The following LRRC27 variants were observed in gnomAD, a reference collection of about 807,000 sequenced individuals.
LRRC27 encodes leucine-rich repeat-containing protein 27.
In LRRC27, 57 loss-of-function variants were observed where a neutral mutation model predicts 55.0. That is an observed-to-expected ratio of 1.04 (90% confidence interval 0.84 to 1.29). The LOEUF (loss-of-function observed/expected upper bound fraction) is 1.29, where lower values mean the gene tolerates loss of function less well. Among genes scored for constraint, LRRC27 ranks in the 50% most tolerant of loss-of-function variants. The pLI is 0.00. For synonymous variants in LRRC27, 278 were observed against 251.9 expected (o/e 1.10, Z -0.98); for missense variants, 721 against 651.5 (o/e 1.11, Z -1.16).
intron 8 of LRRC27, among the ~76,000 whole-genome samples, chr10:132,360,293 G>A (rs570258407): frequency 1.2e-4 from 18 of 152,264 alleles, no homozygotes; most frequent in Admixed American, 8.5e-4. Context: ...GACAGGTTTC[G>A]CCATGTTGGC....
Position 132,342,226 on chromosome 10 carries a change from T to C in LRRC27, c.355T>C (p.Leu119=). 1 of 1,553,536 alleles carries C rather than the reference T, an allele frequency of 6.4e-7. No individual in the cohort carries two copies. The highest frequency in any genetic ancestry group is 8.7e-7 in the Non-Finnish European group (1 of 1,148,302). Residue 119 remains leucine (L), a synonymous_variant, in exon 4 of 11, where the codon TTG becomes CTG. Transcript: ENST00000368614. The stretch of plus-strand genomic sequence containing the variant: ...TTTGCTTTAAAGGCATTTGAAAACT[T>C]TGCTTTTAGAAAGAAATCCTATCAA... ...GIGAHQHLKT[L]LLERNPIKML...
At chr10:132,357,353 T>G (rs1335547393) in intron 8 of LRRC27, among the ~76,000 whole-genome samples, 1 of 152,224 alleles carries the variant, frequency 6.6e-6, no homozygotes, top group Non-Finnish European at 1.5e-5. Flanking sequence ...TAAAAATACT[T>G]GCACAATTGG....
intron 2 of LRRC27, chr10:132,337,094 C>A: frequency 8.0e-7 from 1 of 1,252,346 alleles, no homozygotes; most frequent in Non-Finnish European, 1.0e-6. Flanking sequence ...CATCTCTGTC[C>A]CTGTCTTTTA....
At position 132,365,418 on chromosome 10, in the gene LRRC27, T is replaced by G; in HGVS notation, c.1290-6T>G. 1 of 1,613,466 alleles carries G rather than the reference T, an allele frequency of 6.2e-7. No individual in the cohort carries two copies. The highest frequency in any genetic ancestry group is 8.5e-7 in the Non-Finnish European group (1 of 1,179,876). ...GTCATTTCCCTCTTTGCCCTTTGTT[T>G]CTCAGTGCCCTGCAGGAGAGAAATT... On this transcript the variant is annotated splice_region_variant and splice_polypyrimidine_tract_variant and intron_variant, in intron 9 of 10. Transcript: ENST00000368614.
upstream of LRRC27, chr10:132,331,942 C>A (rs1350419544): frequency 1.7e-6 from 1 of 582,628 alleles, no homozygotes; most frequent in Admixed American, 4.0e-5. Flanking sequence ...CGCAACCCCC[C>A]GCCCCAGCGC....
chr10:132,373,591 T>C (rs2069268036), intron 10 of LRRC27, among the ~76,000 whole-genome samples: 1 of 152,132 alleles, frequency 6.6e-6, no homozygotes, highest in South Asian at 2.1e-4. Flanking sequence ...AATAAGACGT[T>C]TTCAGATACG....
intron 2 of LRRC27, among the ~76,000 whole-genome samples, chr10:132,334,139 C>G (rs891207816): frequency 6.6e-6 from 1 of 152,172 alleles, no homozygotes; most frequent in Non-Finnish European, 1.5e-5. Flanking sequence ...TACTTTGTGC[C>G]CGGCCCTTCT....
intron 2 of LRRC27, among the ~76,000 whole-genome samples, chr10:132,334,555 GA>G (rs2067025478): frequency 6.6e-6 from 1 of 152,168 alleles, no homozygotes; most frequent in African/African-American, 2.4e-5. Flanking sequence ...TGACATTTTT[GA>G]GTGCTTCTAC....
intron 2 of LRRC27, among the ~76,000 whole-genome samples, chr10:132,336,329 G>A (rs1180817378): frequency 1.3e-5 from 2 of 152,204 alleles, no homozygotes; most frequent in African/African-American, 4.8e-5. Flanking sequence ...ACCCATATAC[G>A]TGGGGGCACA....
At chr10:132,337,051 T>A in intron 2 of LRRC27, 1 of 1,297,072 alleles carries the variant, frequency 7.7e-7, no homozygotes, top group Non-Finnish European at 9.8e-7. Flanking sequence ...TGAGGCTTTG[T>A]TTGCTGCTGA....
chr10:132,331,884 A>AC (rs762255503), upstream of LRRC27: 213 of 1,019,826 alleles, frequency 2.1e-4, 1 homozygote, highest in African/African-American at 8.9e-4. Context: ...CAGGCGCACC[A>AC]CCCCCTGCCA....
intron 7 of LRRC27, chr10:132,353,337 T>A: frequency 9.1e-7 from 1 of 1,104,220 alleles, no homozygotes. Flanking sequence ...ACAGGGCTCT[T>A]GCACCGCCCC....
intron 3 of LRRC27, among the ~76,000 whole-genome samples, chr10:132,339,692 ATCT>A (rs1357454934): frequency 6.6e-6 from 1 of 152,210 alleles, no homozygotes; most frequent in Non-Finnish European, 1.5e-5. Flanking sequence ...CACGATCATC[ATCT>A]TCTGGGTTTA....
Position 132,348,485 on chromosome 10 carries a change from T to G in LRRC27, c.926+129T>G. The G allele has an allele frequency of 7.9e-7, 1 of 1,264,180 alleles. No homozygotes were observed. Among genetic ancestry groups the G allele is most frequent in the African/African-American group, 1.5e-5 (1 of 66,116 alleles). The allele number at this position is 1,264,180 out of a possible 1,614,324, so 78.3% of individuals were successfully genotyped here. ...CACGTTGCCACCGTTTACTGTGCAG[T>G]GAGTGCCGGTCCCAGGTTTAGGGTA... is the stretch of plus-strand genomic sequence containing the variant. On this transcript the variant is annotated intron_variant, in intron 6 of 10. Transcript: ENST00000368614. The surrounding 1 kb of genome is among the most constrained non-coding windows in gnomAD (Gnocchi z 4.2).
At chr10:132,359,404 G>A (rs1332582796) in intron 8 of LRRC27, among the ~76,000 whole-genome samples, 5 of 152,308 alleles carry the variant, frequency 3.3e-5, no homozygotes, top group South Asian at 2.1e-4. Context: ...ACAGGGAAGC[G>A]GTTCCACGCA....
intron 2 of LRRC27, chr10:132,336,828 T>G: frequency 1.3e-6 from 1 of 759,442 alleles, no homozygotes; most frequent in Non-Finnish European, 2.4e-6. Flanking sequence ...CATATAATAA[T>G]GTGAGTATAA....
At position 132,361,540 on chromosome 10, in the gene LRRC27, CAA is replaced by C. The variant is rs1290154100; in HGVS notation, c.1256_1257del (p.Lys419ArgfsTer8). ...LNPPGKMKPS[K>X]EKSPQASKEM... ...ATCCGCCTGGAAAAATGAAACCAAG[CAA>C]AGAGAAATCGCCACAAGCAAGTAAA... is the stretch of plus-strand genomic sequence containing the variant. On this transcript the variant is annotated frameshift_variant, in exon 9 of 11. Coordinates refer to ENST00000368614, the MANE Select transcript of LRRC27 (RefSeq NM_030626.3). LOFTEE classifies it high-confidence loss of function. 9 of 1,613,742 alleles carry C rather than the reference CAA, an allele frequency of 5.6e-6. No homozygotes were observed. In the East Asian group the frequency reaches 1.8e-4, roughly 32 times the overall value.
chr10:132,331,190 G>A (rs1412695713), upstream of LRRC27, among the ~76,000 whole-genome samples: 1 of 90,874 alleles, frequency 1.1e-5, no homozygotes, highest in African/African-American at 4.6e-5. Context: ...GACAAAGCAA[G>A]ACTCCACCTC....
chr10:132,378,991 C>T lies in LRRC27; in HGVS notation c.*3749C>T, dbSNP rs920597784. On this transcript the variant is annotated 3_prime_UTR_variant, in exon 11 of 11. Transcript: ENST00000368614. ...GCGTGGTCTTGGATGCCATCCTGCT[C>T]ATCTCCAGCATTTCCTCTCACCTCC... 7 of 151,130 alleles carry T rather than the reference C, an allele frequency of 4.6e-5. No homozygotes were observed. The highest frequency in any genetic ancestry group is 9.9e-5 in the African/African-American group (4 of 40,528). 9.4% of individuals were successfully genotyped at this position (151,130 alleles called of 1,614,324 possible).
Sources: allele counts gnomAD v4.1 joint callset (sites outside exome capture counted in the v4.1 genomes callset), GRCh38; gene constraint gnomAD v4.1.1; non-coding constraint Gnocchi (gnomAD v3.1); transcripts MANE v1.5; gene names NCBI Gene and HGNC (gene_info 2026-07-23, HGNC 2026-07-21).